Variants in STXBP5L observed in about 807,000 individuals in gnomAD.
The protein encoded by STXBP5L is syntaxin binding protein 5L, also known as syntaxin-binding protein 5-like.
Under a neutral mutation model 144.5 loss-of-function variants are expected in STXBP5L, and 65 were observed. The observed-to-expected ratio is 0.45, with a 90% CI of 0.37 to 0.55. The LOEUF (loss-of-function observed/expected upper bound fraction) is 0.55. Among genes scored for constraint, STXBP5L ranks in the 20% least tolerant of loss-of-function variants. The probability of loss-of-function intolerance (pLI) is 0.00; values close to 1 mark genes in which losing one functional copy is unlikely to be tolerated. For missense variants in STXBP5L, 1,298 were observed against 1,405.5 expected (o/e 0.92, Z 1.22); for synonymous variants, 505 against 469.6 (o/e 1.08, Z -0.97).
intron 19 of STXBP5L, among the ~76,000 whole-genome samples, chr3:121,300,926 A>G (rs2051872325): frequency 6.6e-6 from 1 of 152,172 alleles, no homozygotes; most frequent in East Asian, 1.9e-4. Context: ...AATTATAAAA[A>G]CATAAATAGG....
chr3:121,112,389 G>A (rs1195508803), intron 5 of STXBP5L, among the ~76,000 whole-genome samples: 1 of 152,096 alleles, frequency 6.6e-6, no homozygotes, highest in Non-Finnish European at 1.5e-5. Context: ...GCTGGGAGTG[G>A]GAGTTCCCCT....
At chr3:121,252,789 T>C (rs138433578) in intron 15 of STXBP5L, among the ~76,000 whole-genome samples, 108 of 152,350 alleles carry the variant, frequency 7.1e-4, no homozygotes, top group Non-Finnish European at 7.3e-4. Flanking sequence ...GGAATTTGAT[T>C]ATACCTTCGC....
intron 7 of STXBP5L, among the ~76,000 whole-genome samples, chr3:121,126,713 A>C (rs1252061301): frequency 6.6e-6 from 1 of 152,200 alleles, no homozygotes; most frequent in Non-Finnish European, 1.5e-5. Context: ...TCAATAGCTT[A>C]AAACAAAACA....
intron 20 of STXBP5L, among the ~76,000 whole-genome samples, chr3:121,351,473 C>T (rs1000030878): frequency 4.6e-5 from 7 of 152,160 alleles, no homozygotes; most frequent in African/African-American, 1.7e-4. Flanking sequence ...AGAACGACTA[C>T]TCTCCAGAAG....
At chr3:121,125,824 T>A (rs2044677818) in intron 7 of STXBP5L, among the ~76,000 whole-genome samples, 1 of 152,068 alleles carries the variant, frequency 6.6e-6, no homozygotes, top group Non-Finnish European at 1.5e-5. Context: ...ACCAAAGGGG[T>A]CAAATGACAC....
intron 3 of STXBP5L, among the ~76,000 whole-genome samples, chr3:120,973,386 T>A (rs991081477): frequency 2.6e-5 from 4 of 152,062 alleles, no homozygotes; most frequent in African/African-American, 9.7e-5. Context: ...TCTGGTGATT[T>A]TTTTTTGCAT....
chr3:121,120,096 C>G (rs1181732655), intron 6 of STXBP5L, among the ~76,000 whole-genome samples: 1 of 151,220 alleles, frequency 6.6e-6, no homozygotes, highest in Non-Finnish European at 1.5e-5. Context: ...CTAAGAAATT[C>G]TGTAGGGGAA....
chr3:121,103,240 G>A (rs1352484967), intron 5 of STXBP5L, among the ~76,000 whole-genome samples: 2 of 151,932 alleles, frequency 1.3e-5, no homozygotes, highest in Non-Finnish European at 2.9e-5. Flanking sequence ...AATGTCACAT[G>A]TATGTTCATT....
At chr3:121,354,525 T>TG (rs2045428753) in intron 20 of STXBP5L, among the ~76,000 whole-genome samples, 1 of 148,524 alleles carries the variant, frequency 6.7e-6, no homozygotes, top group African/African-American at 2.5e-5. Flanking sequence ...TTTTTTTTTT[T>TG]TTTTGCTCTC....
intron 9 of STXBP5L, among the ~76,000 whole-genome samples, chr3:121,164,163 T>G (rs2046419470): frequency 6.6e-6 from 1 of 152,150 alleles, no homozygotes; most frequent in Non-Finnish European, 1.5e-5. Flanking sequence ...TATCTCTTTA[T>G]AACTCCATTA....
intron 3 of STXBP5L, among the ~76,000 whole-genome samples, chr3:120,964,684 G>A (rs941284180): frequency 2.6e-5 from 4 of 152,104 alleles, no homozygotes; most frequent in African/African-American, 9.7e-5. Flanking sequence ...GAGTGCTTTA[G>A]TTCCAATTAT....
chr3:121,348,511 G>A (rs2045109510), intron 20 of STXBP5L, among the ~76,000 whole-genome samples: 1 of 152,006 alleles, frequency 6.6e-6, no homozygotes, highest in South Asian at 2.1e-4. Context: ...TCTATTTATT[G>A]GAATAGTTTC....
At chr3:120,929,765 A>G (rs1318329647) in intron 2 of STXBP5L, among the ~76,000 whole-genome samples, 1 of 152,088 alleles carries the variant, frequency 6.6e-6, no homozygotes, top group Non-Finnish European at 1.5e-5. Context: ...AGCTTTCGAT[A>G]TTTAGAAATA....
chr3:121,343,648 A>G (rs2044826469), intron 20 of STXBP5L, among the ~76,000 whole-genome samples: 1 of 152,180 alleles, frequency 6.6e-6, no homozygotes, highest in Non-Finnish European at 1.5e-5. Flanking sequence ...CCCATTCACA[A>G]TTGCTTCAAA....
chr3:121,189,858 A>G (rs1320310208), intron 9 of STXBP5L, among the ~76,000 whole-genome samples: 1 of 152,202 alleles, frequency 6.6e-6, no homozygotes, highest in South Asian at 2.1e-4. Flanking sequence ...AAACAAATAA[A>G]AAGTATGTAT....
intron 14 of STXBP5L, among the ~76,000 whole-genome samples, chr3:121,247,729 G>C (rs1269719271): frequency 6.6e-6 from 1 of 152,118 alleles, no homozygotes; most frequent in Non-Finnish European, 1.5e-5. Context: ...CTGTTGTTGG[G>C]TACCTAGGTT....
At chr3:121,144,155 A>T (rs1237743017) in intron 7 of STXBP5L, among the ~76,000 whole-genome samples, 1 of 151,614 alleles carries the variant, frequency 6.6e-6, no homozygotes, top group Non-Finnish European at 1.5e-5. Flanking sequence ...AAAAAAAAAA[A>T]AAATCTAGTA....
In STXBP5L at chr3:121,022,816, G is replaced by T. The variant is rs1277206488; in HGVS notation, c.288-18884G>T. ...CCAACATTATACTGAATGGGGAAAA[G>T]TTGAAAGCATTCCCCCTGAGAACTG... is the stretch of plus-strand genomic sequence containing the variant. On this transcript the variant is annotated intron_variant, in intron 3 of 26. Transcript: ENST00000471454. 2.6e-5 allele frequency among the ~76,000 whole-genome samples: 4 copies of T among 152,214 alleles called. No homozygotes were observed. The East Asian group carries it at 7.7e-4, about 29-fold the overall frequency.
At chr3:121,000,511 GT>G (rs1943685308) in intron 3 of STXBP5L, among the ~76,000 whole-genome samples, 1 of 152,050 alleles carries the variant, frequency 6.6e-6, no homozygotes, top group Non-Finnish European at 1.5e-5. Flanking sequence ...CTCTTGAATT[GT>G]TTTACTGGAT....
Sources: gnomAD v4.1 joint callset for allele counts (sites outside exome capture counted in the v4.1 genomes callset) on GRCh38, gnomAD v4.1.1 for gene constraint, MANE v1.5 for transcripts, NCBI Gene and HGNC (gene_info 2026-07-23, HGNC 2026-07-21) for gene names.